The following KLF8 variants were observed in gnomAD, a reference collection of about 807,000 sequenced individuals.
KLF8 encodes the protein KLF transcription factor 8.
In KLF8, 10 loss-of-function variants were observed where a neutral mutation model predicts 18.2. That is an observed-to-expected ratio of 0.55 (90% confidence interval 0.34 to 0.93). The LOEUF (loss-of-function observed/expected upper bound fraction) is 0.93. KLF8 is among the 40% of genes least tolerant of loss of function. The probability of loss-of-function intolerance (pLI) is 0.02; values close to 1 mark genes in which losing one functional copy is unlikely to be tolerated. For missense variants in KLF8, 264 were observed against 277.9 expected (o/e 0.95, Z 0.36); for synonymous variants, 109 against 97.3 (o/e 1.12, Z -0.71).
chrX:56,154,209 G>A, the KLF8 span, among the ~76,000 whole-genome samples: 5 of 111,420 alleles, frequency 4.5e-5, no homozygotes, highest in Non-Finnish European at 9.4e-5. Context: ...AACCAAAACA[G>A]CATGGTACTG....
chrX:55,926,886 G>A, the KLF8 span, among the ~76,000 whole-genome samples: 5 of 106,053 alleles, frequency 4.7e-5, no homozygotes, highest in African/African-American at 1.9e-4. Context: ...CAGACATACC[G>A]ATAGACAACC....
At chrX:55,952,668 A>T in the KLF8 span, among the ~76,000 whole-genome samples, 1 of 112,060 alleles carries the variant, frequency 8.9e-6, no homozygotes, top group Non-Finnish European at 1.9e-5. Context: ...ATTCCTTTGG[A>T]CATGTAAGGT....
the KLF8 span, among the ~76,000 whole-genome samples, chrX:55,927,430 CTT>C: frequency 8.9e-6 from 1 of 112,084 alleles, no homozygotes; most frequent in Non-Finnish European, 1.9e-5. Context: ...TAGAAGCAGA[CTT>C]GAGACATGGT....
At chrX:56,171,540 A>G in the KLF8 span, among the ~76,000 whole-genome samples, 2 of 109,982 alleles carry the variant, frequency 1.8e-5, no homozygotes, top group South Asian at 7.9e-4. Flanking sequence ...ACCCCACAAC[A>G]GGCCCCGGTG....
chrX:56,023,647 C>CTT, the KLF8 span, among the ~76,000 whole-genome samples: 243 of 105,095 alleles, frequency 2.3e-3, no homozygotes, highest in African/African-American at 7.5e-3. Context: ...GGTATTCATA[C>CTT]TTTTTTTTTT....
chrX:55,961,287 C>T, the KLF8 span: 4 of 377,429 alleles, frequency 1.1e-5, no homozygotes, highest in Admixed American at 1.2e-4. Context: ...ACAGCCTCTG[C>T]CAGAGGTCCT....
chrX:55,909,500 G>T, the KLF8 span, among the ~76,000 whole-genome samples: 1 of 112,703 alleles, frequency 8.9e-6, no homozygotes, highest in Non-Finnish European at 1.9e-5. Flanking sequence ...TCACACTGCT[G>T]GGAGGTTTGT....
At chrX:56,167,931 G>A in the KLF8 span, among the ~76,000 whole-genome samples, 20 of 111,429 alleles carry the variant, frequency 1.8e-4, no homozygotes, top group Non-Finnish European at 3.8e-5. Context: ...CCCATATTCA[G>A]ATATTTTTAA....
At chrX:55,963,781 C>A in the KLF8 span, among the ~76,000 whole-genome samples, 1 of 111,669 alleles carries the variant, frequency 9.0e-6, no homozygotes, top group Non-Finnish European at 1.9e-5. Flanking sequence ...ACCTAACAGG[C>A]ATTTACAGGA....
the KLF8 span, among the ~76,000 whole-genome samples, chrX:55,968,976 A>G: frequency 8.9e-6 from 1 of 111,795 alleles, no homozygotes; most frequent in Non-Finnish European, 1.9e-5. Flanking sequence ...ATTAGAGCTA[A>G]AGAGAGAGAG....
chrX:55,998,809 A>ATTT, the KLF8 span, among the ~76,000 whole-genome samples: 6,451 of 89,687 alleles, frequency 0.072, 709 homozygotes, highest in African/African-American at 0.25. Context: ...TGGTCTTTTA[A>ATTT]TTTTTTTTTT....
the KLF8 span, among the ~76,000 whole-genome samples, chrX:56,133,217 G>C: frequency 9.0e-6 from 1 of 111,234 alleles, no homozygotes; most frequent in Non-Finnish European, 1.9e-5. Flanking sequence ...AACAAAAAAA[G>C]AAAACTGCAG....
chrX:56,177,253 A>G, the KLF8 span, among the ~76,000 whole-genome samples: 2 of 110,676 alleles, frequency 1.8e-5, no homozygotes, highest in African/African-American at 3.3e-5. Context: ...TTGGTCTTTG[A>G]TGATGGTGAC....
intron 2 of KLF8, among the ~76,000 whole-genome samples, chrX:56,259,912 G>A (rs981129259): frequency 1.8e-5 from 2 of 111,711 alleles, no homozygotes; most frequent in South Asian, 7.5e-4. Flanking sequence ...CACAAACTAG[G>A]TGGGTTAAAA....
At chrX:55,978,193 A>G in the KLF8 span, among the ~76,000 whole-genome samples, 4 of 110,875 alleles carry the variant, frequency 3.6e-5, no homozygotes, top group Non-Finnish European at 7.5e-5. Context: ...CCATATAAGT[A>G]GTATTTCCGT....
At chrX:56,211,033 T>A in the KLF8 span, among the ~76,000 whole-genome samples, 4 of 111,485 alleles carry the variant, frequency 3.6e-5, no homozygotes, top group Non-Finnish European at 7.5e-5. Flanking sequence ...TTCTCCAGGA[T>A]TGGCCATTTA....
At chrX:56,220,572 G>A in the KLF8 span, among the ~76,000 whole-genome samples, 74 of 110,387 alleles carry the variant, frequency 6.7e-4, no homozygotes, top group African/African-American at 2.3e-3. Context: ...TGCAACCTCC[G>A]CCTCCCAGGT....
At chrX:56,179,145 T>A in the KLF8 span, among the ~76,000 whole-genome samples, 2 of 112,362 alleles carry the variant, frequency 1.8e-5, no homozygotes, top group African/African-American at 6.5e-5. Context: ...CTTCCATTTG[T>A]TTGTGCCCTC....
chrX:56,063,034 C>T, the KLF8 span, among the ~76,000 whole-genome samples: 2 of 111,120 alleles, frequency 1.8e-5, no homozygotes, highest in Non-Finnish European at 3.8e-5. Flanking sequence ...ATATTCTTCT[C>T]TAAACTGGTT....
Sources: allele counts gnomAD v4.1 joint callset (sites outside exome capture counted in the v4.1 genomes callset), GRCh38; gene constraint gnomAD v4.1.1; transcripts MANE v1.5; gene names NCBI Gene and HGNC (gene_info 2026-07-23, HGNC 2026-07-21).